Variants in TACR3 observed in about 807,000 individuals in gnomAD.
TACR3 encodes the protein neuromedin-K receptor.
A neutral mutation model predicts 35.0 loss-of-function variants in TACR3; 34 were observed. That is an observed-to-expected ratio of 0.97 (90% CI 0.74 to 1.30). The LOEUF is 1.30. TACR3 is among the 50% of genes most tolerant of loss of function. The probability of loss-of-function intolerance (pLI) is 0.00; values close to 1 mark genes in which losing one functional copy is unlikely to be tolerated. For missense variants in TACR3, 558 were observed against 591.7 expected, an observed-to-expected ratio of 0.94 and a Z score of 0.59; for synonymous variants, 233 against 221.1, an observed-to-expected ratio of 1.05 and a Z score of -0.48.
chr4:103,605,599 T>C (rs1476782903), intron 3 of TACR3, among the ~76,000 whole-genome samples: 1 of 152,082 alleles, frequency 6.6e-6, no homozygotes, highest in Non-Finnish European at 1.5e-5. Context: ...CATTTTTTCA[T>C]GTGTTTTTTG....
chr4:103,656,384 G>T (rs763087482), intron 2 of TACR3, 40 bp from the exon 3 acceptor site: 2 of 1,594,958 alleles, frequency 1.3e-6, no homozygotes, highest in Non-Finnish European at 1.7e-6. Context: ...AGACCTTATT[G>T]GAATGAAATA....
intron 3 of TACR3, among the ~76,000 whole-genome samples, chr4:103,639,160 A>C (rs1272467177): frequency 1.3e-5 from 2 of 152,122 alleles, no homozygotes; most frequent in African/African-American, 4.8e-5. Context: ...TTGCGGCACT[A>C]TTCACAATAG....
intron 1 of TACR3, among the ~76,000 whole-genome samples, chr4:103,692,747 T>C (rs1722434094): frequency 6.6e-6 from 1 of 152,180 alleles, no homozygotes; most frequent in South Asian, 2.1e-4. Flanking sequence ...CATTAGATAT[T>C]GTCTATTATA....
chr4:103,637,166 G>T (rs1725212921), intron 3 of TACR3, among the ~76,000 whole-genome samples: 1 of 152,164 alleles, frequency 6.6e-6, no homozygotes, highest in Non-Finnish European at 1.5e-5. Context: ...TATCCTTGAT[G>T]AACATCGATG....
intron 1 of TACR3, among the ~76,000 whole-genome samples, chr4:103,717,354 AAT>A (rs1723111696): frequency 1.3e-5 from 2 of 152,062 alleles, no homozygotes; most frequent in South Asian, 2.1e-4. Context: ...TAAATTTGTT[AAT>A]AGTTTTAATG....
At chr4:103,709,361 TAAAGA>T (rs1665341130) in intron 1 of TACR3, among the ~76,000 whole-genome samples, 1 of 152,114 alleles carries the variant, frequency 6.6e-6, no homozygotes, top group Non-Finnish European at 1.5e-5. Flanking sequence ...TCAACATTCT[TAAAGA>T]AAAGAATTTT....
chr4:103,605,610 G>C (rs1465498470), intron 3 of TACR3, among the ~76,000 whole-genome samples: 6 of 151,876 alleles, frequency 4.0e-5, no homozygotes, highest in Non-Finnish European at 7.4e-5. Context: ...GTGTTTTTTG[G>C]CTGCATAAAT....
At position 103,719,426 on chromosome 4, in the gene TACR3, GC is replaced by G; in HGVS notation, c.249del (p.Trp83CysfsTer34). On this transcript the variant is annotated frameshift_variant, in exon 1 of 5. Coordinates refer to ENST00000304883, the MANE Select transcript of TACR3 (RefSeq NM_001059.3). LOFTEE classifies it high-confidence loss of function. The part of the protein sequence containing the change: ...NLTNQFVQPS[W>X]RIALWSLAYG... ...TACGCCAGGGACCAGAGCGCGATGCGCCAGGACGGCTGCACGAACTGGTTGG... is the reference window on the plus strand; with the variant it reads ...TACGCCAGGGACCAGAGCGCGATGCGCAGGACGGCTGCACGAACTGGTTGG... 6.2e-7 allele frequency: 1 copy of G among 1,614,226 alleles called. No homozygotes were observed. The highest frequency in any genetic ancestry group is 8.5e-7 in the Non-Finnish European group (1 of 1,180,044).
chr4:103,638,727 C>A (rs1341887395), intron 3 of TACR3, among the ~76,000 whole-genome samples: 2 of 152,092 alleles, frequency 1.3e-5, no homozygotes, highest in Admixed American at 6.6e-5. Flanking sequence ...CTACAATGAA[C>A]TCAAACAAAT....
intron 1 of TACR3, among the ~76,000 whole-genome samples, chr4:103,661,631 C>T (rs938685692): frequency 6.6e-6 from 1 of 152,042 alleles, no homozygotes; most frequent in African/African-American, 2.4e-5. Context: ...ATTCTTCTGG[C>T]CAGTCTAATT....
intron 1 of TACR3, among the ~76,000 whole-genome samples, chr4:103,699,093 T>A (rs1352763655): frequency 6.6e-6 from 1 of 152,208 alleles, no homozygotes; most frequent in Middle Eastern, 3.2e-3. Context: ...AAGTCAAACC[T>A]TGTTTTCATG....
At chr4:103,703,709 G>T (rs541269575) in intron 1 of TACR3, among the ~76,000 whole-genome samples, 1 of 152,160 alleles carries the variant, frequency 6.6e-6, no homozygotes, top group Admixed American at 6.5e-5. Flanking sequence ...GGAAGAAAGG[G>T]TATGCACAAT....
chr4:103,604,531 T>C (rs1262218063), intron 3 of TACR3, among the ~76,000 whole-genome samples: 2 of 152,110 alleles, frequency 1.3e-5, no homozygotes, highest in African/African-American at 2.4e-5. Flanking sequence ...AAAGCCAAAA[T>C]TGACAAATGG....
In TACR3 at chr4:103,658,206, T is replaced by G. The variant is rs202114835; in HGVS notation, c.737+9A>C. On this transcript the variant is annotated intron_variant, in intron 2 of 4. Transcript: ENST00000304883. ...CTGAATTGAAAACCATAATAGAGAA[T>G]TAACTTACGTGAAATGTTGTTTGGG... 6.2e-7 allele frequency: 1 copy of G among 1,613,380 alleles called. No individual in the cohort carries two copies. Among genetic ancestry groups the G allele is most frequent in the Non-Finnish European group, 8.5e-7 (1 of 1,179,478 alleles).
intron 1 of TACR3, among the ~76,000 whole-genome samples, chr4:103,683,500 G>C (rs1196312916): frequency 8.2e-6 from 1 of 122,324 alleles, no homozygotes; most frequent in Non-Finnish European, 1.8e-5. Context: ...AAAAAAGAGA[G>C]AGAGAAGACA....
At chr4:103,689,259 G>C (rs1340414200) in intron 1 of TACR3, among the ~76,000 whole-genome samples, 1 of 130,522 alleles carries the variant, frequency 7.7e-6, no homozygotes, top group Non-Finnish European at 1.6e-5. Flanking sequence ...GTGGGGTCGG[G>C]GGAGGGGGGC....
At chr4:103,664,559 G>A (rs1397426972) in intron 1 of TACR3, among the ~76,000 whole-genome samples, 2 of 151,972 alleles carry the variant, frequency 1.3e-5, no homozygotes, top group South Asian at 2.1e-4. Context: ...TTTGCTCCTG[G>A]TCATAGTAGC....
intron 1 of TACR3, among the ~76,000 whole-genome samples, chr4:103,704,288 T>A (rs987392668): frequency 6.6e-6 from 1 of 152,102 alleles, no homozygotes; most frequent in South Asian, 2.1e-4. Context: ...ATGCAATGTG[T>A]TAAAAATAGC....
intron 1 of TACR3, among the ~76,000 whole-genome samples, chr4:103,659,702 T>C (rs1429101909): frequency 6.6e-6 from 1 of 152,156 alleles, no homozygotes; most frequent in Admixed American, 6.6e-5. Flanking sequence ...CATACTTAAA[T>C]ATGACTTTTG....
Sources: allele counts gnomAD v4.1 joint callset (sites outside exome capture counted in the v4.1 genomes callset), GRCh38; gene constraint gnomAD v4.1.1; transcripts MANE v1.5; gene names NCBI Gene and HGNC (gene_info 2026-07-23, HGNC 2026-07-21).